ADGRL2: variants seen among roughly 807,000 people sequenced by gnomAD.
The protein encoded by ADGRL2 is adhesion G protein-coupled receptor L2, also known as calcium-independent alpha-latrotoxin receptor 2.
In ADGRL2, 44 loss-of-function variants were observed where a neutral mutation model predicts 157.4. The ratio of observed to expected loss-of-function variants is 0.28; its 90% confidence interval spans 0.22 to 0.36. The LOEUF is 0.36. Ranked by LOEUF, ADGRL2 falls within the 10% of genes least tolerant of loss-of-function variation. ADGRL2 has a pLI of 1.00. For synonymous variants in ADGRL2, 585 were observed against 624.7 expected (o/e 0.94, Z 0.95); for missense variants, 1,510 against 1,768.9 (o/e 0.85, Z 2.63).
At chr1:81,816,779 TG>T (rs2090445239) in intron 1 of ADGRL2, among the ~76,000 whole-genome samples, 1 of 152,058 alleles carries the variant, frequency 6.6e-6, no homozygotes. Flanking sequence ...AACCTACAAA[TG>T]CTCTTTTTAT....
chr1:81,439,892 T>C (rs755737376), intron 1 of ADGRL2, among the ~76,000 whole-genome samples: 2 of 152,116 alleles, frequency 1.3e-5, no homozygotes, highest in Non-Finnish European at 2.9e-5. Flanking sequence ...ACATAAACAG[T>C]TGAAGGATGG....
At chr1:81,601,155 A>C in intron 3 of ADGRL2, among the ~76,000 whole-genome samples, 1 of 152,224 alleles carries the variant, frequency 6.6e-6, no homozygotes, top group East Asian at 1.9e-4. Context: ...AAAAAAAATA[A>C]ATCATTAAGT....
At chr1:81,356,248 T>A (rs1663277963) in intron 1 of ADGRL2, among the ~76,000 whole-genome samples, 1 of 152,218 alleles carries the variant, frequency 6.6e-6, no homozygotes, top group Admixed American at 6.5e-5. Flanking sequence ...TTAAAGATGC[T>A]GAAACGCACA....
At chr1:81,603,704 C>G (rs1044611325) in intron 3 of ADGRL2, among the ~76,000 whole-genome samples, 6 of 152,148 alleles carry the variant, frequency 3.9e-5, no homozygotes, top group African/African-American at 1.2e-4. Flanking sequence ...AAACTATTTT[C>G]TAATTACCAA....
At chr1:81,897,039 C>T (rs2094402426) in intron 2 of ADGRL2, among the ~76,000 whole-genome samples, 1 of 152,030 alleles carries the variant, frequency 6.6e-6, no homozygotes, top group Admixed American at 6.6e-5. Flanking sequence ...TCCTAGTATC[C>T]CAAGTGTCTA....
chr1:81,467,294 T>C (rs1320735994), intron 2 of ADGRL2, among the ~76,000 whole-genome samples: 1 of 152,088 alleles, frequency 6.6e-6, no homozygotes, highest in African/African-American at 2.4e-5. Context: ...TTACAGGAAT[T>C]AGGTACAAAA....
intron 1 of ADGRL2, among the ~76,000 whole-genome samples, chr1:81,417,401 T>C (rs1199431208): frequency 1.3e-5 from 2 of 152,204 alleles, no homozygotes; most frequent in Non-Finnish European, 2.9e-5. Context: ...TTTAATACTT[T>C]ATTTTATAAT....
rs1164087131 is a variant in ADGRL2, at chr1:81,616,679, C to CTTTTT, written c.-143+35710_-143+35714dup. Among the ~76,000 whole-genome samples the CTTTTT allele has an allele frequency of 7.4e-3, 781 of 105,872 alleles. 32 individuals are homozygous for CTTTTT. Among genetic ancestry groups the CTTTTT allele is most frequent in the African/African-American group, 0.025 (670 of 26,652 alleles). The allele number at this position is 105,872 out of a possible 152,430, so 69.5% of individuals were successfully genotyped here. ...TTTTTCTTTTCTTTTCTTTTCTTTTCTTTTTTTTTTTTTTTGAGACAGGGT... is the reference window on the plus strand; with the variant it reads ...TTTTTCTTTTCTTTTCTTTTCTTTTCTTTTTTTTTTTTTTTTTTTTGAGACAGGGT... On this transcript the variant is annotated intron_variant, in intron 3 of 24. Transcript: ENST00000370721.
chr1:81,815,631 G>T (rs945816941), intron 1 of ADGRL2, among the ~76,000 whole-genome samples: 1 of 151,612 alleles, frequency 6.6e-6, no homozygotes, highest in East Asian at 1.9e-4. Flanking sequence ...TAGAATTATG[G>T]TGACAGTTTG....
At chr1:81,500,738 T>C (rs547973470) in intron 2 of ADGRL2, among the ~76,000 whole-genome samples, 1 of 152,322 alleles carries the variant, frequency 6.6e-6, no homozygotes, top group East Asian at 1.9e-4. Context: ...AGTGATGGTG[T>C]GCAACAATGT....
At position 81,990,875 on chromosome 1, in the gene ADGRL2, T is replaced by C. The variant is rs780311763; in HGVS notation, c.4140T>C (p.Ser1380=). The change falls in exon 24 of 24, where the codon TCT becomes TCC. Residue 1380 remains serine (S), a synonymous_variant. Coordinates refer to ENST00000686636, the MANE Select transcript of ADGRL2 (RefSeq NM_001366006.2). ...EDHLQSPNRD[S]LYTSMPNLRD... ...ACCTACAGTCCCCCAACAGAGACTCTCTTTATACAAGCATGCCCAATCTTA... is the reference window on the plus strand; with the variant it reads ...ACCTACAGTCCCCCAACAGAGACTCCCTTTATACAAGCATGCCCAATCTTA... The C allele has an allele frequency of 1.3e-4, 206 of 1,613,986 alleles. No individual in the cohort carries two copies. Among genetic ancestry groups the C allele is most frequent in the Non-Finnish European group, 1.7e-4 (198 of 1,180,026 alleles).
intron 3 of ADGRL2, among the ~76,000 whole-genome samples, chr1:81,583,904 G>C (rs1356359754): frequency 6.6e-6 from 1 of 152,098 alleles, no homozygotes; most frequent in East Asian, 1.9e-4. Context: ...TTGAAAGAGG[G>C]CAAAATCTAT....
chr1:81,320,824 A>T (rs1660452910), intron 1 of ADGRL2, among the ~76,000 whole-genome samples: 1 of 152,220 alleles, frequency 6.6e-6, no homozygotes. Flanking sequence ...AAGGGCCCTA[A>T]TGTTTTCAGA....
chr1:81,541,369 G>C (rs17106665), intron 2 of ADGRL2, among the ~76,000 whole-genome samples: 14,927 of 152,064 alleles, frequency 0.098, 848 homozygotes, highest in Non-Finnish European at 0.12. Context: ...CTTGGATGTG[G>C]AGTAGGTACC....
At chr1:81,404,703 C>T (rs529474234) in intron 1 of ADGRL2, among the ~76,000 whole-genome samples, 1 of 152,268 alleles carries the variant, frequency 6.6e-6, no homozygotes, top group South Asian at 2.1e-4. Flanking sequence ...ATAGTCATTT[C>T]AAATTTCCTC....
At chr1:81,452,428 C>A (rs1053116625) in intron 2 of ADGRL2, among the ~76,000 whole-genome samples, 1 of 152,078 alleles carries the variant, frequency 6.6e-6, no homozygotes, top group African/African-American at 2.4e-5. Context: ...TATCTCAATG[C>A]CCCTGATACA....
chr1:81,412,256 C>T (rs1286869826), intron 1 of ADGRL2, among the ~76,000 whole-genome samples: 1 of 152,126 alleles, frequency 6.6e-6, no homozygotes, highest in South Asian at 2.1e-4. Flanking sequence ...ATGTAACCAC[C>T]AAGCTTTATT....
At chr1:81,507,163 G>A (rs1489841878) in intron 2 of ADGRL2, among the ~76,000 whole-genome samples, 2 of 152,042 alleles carry the variant, frequency 1.3e-5, no homozygotes, top group African/African-American at 4.8e-5. Context: ...CTGATAGGAT[G>A]CTACTTGAGG....
intron 2 of ADGRL2, among the ~76,000 whole-genome samples, chr1:81,534,198 G>T (rs1570417415): frequency 6.6e-6 from 1 of 151,992 alleles, no homozygotes; most frequent in East Asian, 1.9e-4. Context: ...GTCTTGCTCT[G>T]TTGCTCAGGC....
Sources: allele counts gnomAD v4.1 joint callset (sites outside exome capture counted in the v4.1 genomes callset), GRCh38; gene constraint gnomAD v4.1.1; transcripts MANE v1.5; gene names NCBI Gene and HGNC (gene_info 2026-07-23, HGNC 2026-07-21).